Variants in STK32A observed in about 807,000 individuals in gnomAD.
The protein encoded by STK32A is serine/threonine-protein kinase 32A.
STK32A carries 41 observed loss-of-function variants against 53.2 expected under a neutral mutation model. The observed-to-expected ratio is 0.77, with a 90% confidence interval of 0.60 to 1.00. The LOEUF is 1.00. Among genes scored for constraint, STK32A ranks in the 50% least tolerant of loss-of-function variants. STK32A has a pLI of 0.00. For missense variants in STK32A, 458 were observed against 485.8 expected, an observed-to-expected ratio of 0.94 and a Z score of 0.54; for synonymous variants, 166 against 162.8, an observed-to-expected ratio of 1.02 and a Z score of -0.15.
chr5:147,314,822 G>A (rs1347083175), intron 4 of STK32A, among the ~76,000 whole-genome samples: 1 of 149,018 alleles, frequency 6.7e-6, no homozygotes, highest in African/African-American at 2.5e-5. Context: ...ATGGCTCACT[G>A]CAGCCTCAAC....
chr5:147,360,450 C>CA (rs56690647), intron 7 of STK32A, among the ~76,000 whole-genome samples: 21,532 of 80,810 alleles, frequency 0.27, 2,540 homozygotes, highest in Admixed American at 0.35. Flanking sequence ...GATTCTGTCT[C>CA]AAAAAAAAAA....
chr5:147,322,681 G>A (rs541179819), intron 4 of STK32A, among the ~76,000 whole-genome samples: 24 of 152,174 alleles, frequency 1.6e-4, no homozygotes, highest in Non-Finnish European at 3.2e-4. Context: ...ACATGTCAGA[G>A]AACTTGACTT....
At chr5:147,318,110 T>G (rs1178047087) in intron 4 of STK32A, among the ~76,000 whole-genome samples, 1 of 152,206 alleles carries the variant, frequency 6.6e-6, no homozygotes, top group Non-Finnish European at 1.5e-5. Flanking sequence ...GTTTGTGTGT[T>G]TATATCCTTT....
At chr5:147,351,792 A>T (rs956095687) in intron 7 of STK32A, among the ~76,000 whole-genome samples, 5 of 152,200 alleles carry the variant, frequency 3.3e-5, no homozygotes, top group Non-Finnish European at 7.3e-5. Flanking sequence ...GGTTGCAGTG[A>T]GTCGAGATCG....
chr5:147,349,834 G>T (rs537076207), intron 6 of STK32A, among the ~76,000 whole-genome samples: 51 of 152,036 alleles, frequency 3.4e-4, no homozygotes, highest in African/African-American at 1.2e-3. Flanking sequence ...TTGACTGGCC[G>T]GGCGCAGTGG....
intron 6 of STK32A, among the ~76,000 whole-genome samples, chr5:147,350,289 C>A (rs1032141822): frequency 2.0e-5 from 3 of 150,692 alleles, no homozygotes; most frequent in African/African-American, 4.9e-5. Context: ...AAAAGGGATG[C>A]TTTCTTGGCT....
intron 4 of STK32A, among the ~76,000 whole-genome samples, chr5:147,306,367 A>C (rs933812145): frequency 2.0e-5 from 3 of 152,006 alleles, no homozygotes; most frequent in Non-Finnish European, 1.5e-5. Flanking sequence ...AAGTTTTTTA[A>C]AAACTTTTAT....
chr5:147,352,367 G>C (rs1296658824), intron 7 of STK32A, among the ~76,000 whole-genome samples: 1 of 152,200 alleles, frequency 6.6e-6, no homozygotes, highest in Non-Finnish European at 1.5e-5. Flanking sequence ...CAAAAAGAGA[G>C]TGTTAGATGC....
chr5:147,291,474 A>T lies in STK32A; in HGVS notation c.260+12076A>T, dbSNP rs116653425. On this transcript the variant is annotated intron_variant, in intron 4 of 12. Transcript: ENST00000397936. Reference sequence around the variant, plus strand: ...GATCATCTCTAGGCTTCAGAATACCATGCAGTTAGTTTTCTCGGAATAAGT... The same window carrying T: ...GATCATCTCTAGGCTTCAGAATACCTTGCAGTTAGTTTTCTCGGAATAAGT... Among the ~76,000 whole-genome samples the T allele has an allele frequency of 7.0e-3, 1,058 of 152,198 alleles. 13 individuals are homozygous for T. The highest frequency in any genetic ancestry group is 0.024 in the African/African-American group (996 of 41,520).
intron 2 of STK32A, among the ~76,000 whole-genome samples, chr5:147,263,920 A>G (rs1233076225): frequency 1.3e-5 from 2 of 152,202 alleles, no homozygotes; most frequent in Non-Finnish European, 1.5e-5. Context: ...ACACAAGTAT[A>G]TGAGACTAGA....
Position 147,319,139 on chromosome 5 carries a change from C to CT in STK32A, c.261-4738dup, listed in dbSNP as rs146817721. Among the ~76,000 whole-genome samples the CT allele has an allele frequency of 9.9e-3, 991 of 100,554 alleles. 19 individuals are homozygous for CT. Among genetic ancestry groups the CT allele is most frequent in the African/African-American group, 0.028 (688 of 24,952 alleles). 66.0% of individuals were successfully genotyped at this position (100,554 alleles called of 152,430 possible). On this transcript the variant is annotated intron_variant, in intron 4 of 12. Transcript: ENST00000397936. The stretch of plus-strand genomic sequence containing the variant: ...TTAAAAAACAAAAACACAACTGGTA[C>CT]TTTTTTTTTTTTTTTTTTTTTGAGA...
At chr5:147,289,621 ATATG>A (rs1248166634) in intron 4 of STK32A, among the ~76,000 whole-genome samples, 5 of 151,936 alleles carry the variant, frequency 3.3e-5, no homozygotes, top group Non-Finnish European at 7.4e-5. Flanking sequence ...AATATCATAT[ATATG>A]TATTATATAT....
intron 7 of STK32A, among the ~76,000 whole-genome samples, chr5:147,358,261 G>A (rs539807785): frequency 5.9e-5 from 9 of 152,180 alleles, no homozygotes; most frequent in African/African-American, 2.2e-4. Flanking sequence ...TCACCAGATT[G>A]GCAATAAAGG....
At chr5:147,262,821 T>C (rs11742389) in intron 2 of STK32A, among the ~76,000 whole-genome samples, 35,401 of 151,904 alleles carry the variant, frequency 0.23, 4,601 homozygotes, top group Admixed American at 0.33. Context: ...CCTAAGCTTC[T>C]AGAAGGGGAA....
At chr5:147,269,678 A>G (rs1754948864) in intron 2 of STK32A, among the ~76,000 whole-genome samples, 1 of 152,020 alleles carries the variant, frequency 6.6e-6, no homozygotes, top group Non-Finnish European at 1.5e-5. Context: ...CTTATCTTGG[A>G]ATTTATCTTA....
At chr5:147,259,495 C>T (rs59248639) in intron 2 of STK32A, among the ~76,000 whole-genome samples, 9,603 of 151,540 alleles carry the variant, frequency 0.063, 1,064 homozygotes, top group African/African-American at 0.22. Context: ...ATAGGGTCAC[C>T]GAGAAGACCT....
At chr5:147,305,725 G>A (rs1451868872) in intron 4 of STK32A, among the ~76,000 whole-genome samples, 1 of 151,926 alleles carries the variant, frequency 6.6e-6, no homozygotes, top group African/African-American at 2.4e-5. Context: ...TGCCATTTCT[G>A]TATTGTATTC....
chr5:147,349,484 A>T (rs778796587), intron 6 of STK32A, among the ~76,000 whole-genome samples: 1 of 152,320 alleles, frequency 6.6e-6, no homozygotes, highest in South Asian at 2.1e-4. Flanking sequence ...GTTGACTGTC[A>T]TGCCAACAGC....
At chr5:147,360,518 A>C (rs1000315310) in intron 7 of STK32A, among the ~76,000 whole-genome samples, 1 of 151,710 alleles carries the variant, frequency 6.6e-6, no homozygotes, top group African/African-American at 2.4e-5. Context: ...AAGAAAAGGG[A>C]AAGATTGCCT....
Sources: allele counts gnomAD v4.1 joint callset (sites outside exome capture counted in the v4.1 genomes callset), GRCh38; gene constraint gnomAD v4.1.1; transcripts MANE v1.5; gene names NCBI Gene and HGNC (gene_info 2026-07-23, HGNC 2026-07-21).